Variants in PPL observed in about 807,000 individuals in gnomAD.
PPL encodes the protein periplakin.
A neutral mutation model predicts 194.4 loss-of-function variants in PPL; 198 were observed. That is an observed-to-expected ratio of 1.02 (90% CI 0.91 to 1.15). PPL has a LOEUF of 1.15. Ranked by LOEUF, PPL falls within the 50% of genes most tolerant of loss-of-function variation. The pLI, the probability that PPL is intolerant of heterozygous loss-of-function variation, is 0.00. For synonymous variants in PPL, 1,220 were observed against 972.4 expected, an observed-to-expected ratio of 1.25 and a Z score of -4.74; for missense variants, 2,885 against 2,294.8, an observed-to-expected ratio of 1.26 and a Z score of -5.25.
Position 4,900,766 on chromosome 16 carries a change from C to A in PPL, c.606+64G>T, listed in dbSNP as rs141527264. The A allele has an allele frequency of 6.2e-5, 100 of 1,606,698 alleles. No individual in the cohort carries two copies. The highest frequency in any genetic ancestry group is 1.7e-4 in the Middle Eastern group (1 of 5,998). ...TTTTAAAACAATACATCCTTGTCCC[C>A]CCGACTCCAAGCTTCCCATCCTCTC... On this transcript the variant is annotated intron_variant, in intron 6 of 21. Coordinates refer to ENST00000345988, the MANE Select transcript of PPL (RefSeq NM_002705.5).
chr16:4,927,126 C>G (rs947815581), intron 1 of PPL, among the ~76,000 whole-genome samples: 4 of 152,024 alleles, frequency 2.6e-5, no homozygotes, highest in Non-Finnish European at 5.9e-5. Flanking sequence ...TTAATTTTGC[C>G]TATTAAAAGA....
chr16:4,929,128 C>T (rs2089197128), intron 1 of PPL, among the ~76,000 whole-genome samples: 1 of 149,116 alleles, frequency 6.7e-6, no homozygotes, highest in African/African-American at 2.5e-5. Flanking sequence ...TTATCTCAGA[C>T]AATGTAATAA....
chr16:4,898,896 A>G, intron 8 of PPL, 117 bp downstream of exon 8: 2 of 752,490 alleles, frequency 2.7e-6, no homozygotes, highest in Non-Finnish European at 4.5e-6. Flanking sequence ...AGACAGACAC[A>G]AGATGCAGCT....
At chr16:4,907,941 G>C (rs1180745129) in intron 2 of PPL, among the ~76,000 whole-genome samples, 1 of 151,726 alleles carries the variant, frequency 6.6e-6, no homozygotes, top group Non-Finnish European at 1.5e-5. Context: ...AGATCACAAG[G>C]TCAGGAGTTT....
chr16:4,884,133 C>G lies in PPL; in HGVS notation c.4522G>C (p.Glu1508Gln), dbSNP rs767802740. Reference protein sequence around the residue: ...KVVLSESVQVEKGDTEQEIQR... With the variant: ...KVVLSESVQVQKGDTEQEIQR... ...ATCTCTTGCTCGGTGTCGCCCTTCT[C>G]CACCTGGACACTCTCGGAGAGCACC... Residue 1508 changes from glutamate to glutamine, a missense_variant, in exon 22 of 22, where the codon GAG becomes CAG. Coordinates refer to ENST00000345988, the MANE Select transcript of PPL (RefSeq NM_002705.5). This position sits in a 1 kb window ranked among gnomAD's most constrained non-coding sequence, Gnocchi z 5.7. 2 of 1,613,598 alleles carry G rather than the reference C, an allele frequency of 1.2e-6. No homozygotes were observed. The highest frequency in any genetic ancestry group is 2.7e-5 in the African/African-American group (2 of 74,918).
In PPL at chr16:4,894,504, G is replaced by A. The variant is rs2088381679; in HGVS notation, c.1357C>T (p.Pro453Ser). 6.2e-7 allele frequency: 1 copy of A among 1,613,834 alleles called. No homozygotes were observed. Among genetic ancestry groups the A allele is most frequent in the African/African-American group, 1.3e-5 (1 of 74,928 alleles). The change falls in exon 12 of 22, where the codon CCC (proline) becomes TCC (serine). Residue 453 changes from proline to serine, a missense_variant. By Grantham distance (74) the Pro-to-Ser change is moderately conservative. Transcript: ENST00000345988. ...LIAPAVCFVIPPTDPEALALA... is the reference protein window; with the variant it reads ...LIAPAVCFVISPTDPEALALA... ...GCCAGGGCCTCAGGGTCTGTGGGGG[G>A]GATCACAAAACACACGGCCGGAGCA... is the stretch of plus-strand genomic sequence containing the variant.
intron 2 of PPL, among the ~76,000 whole-genome samples, chr16:4,907,218 C>G (rs1439760035): frequency 2.6e-5 from 4 of 151,332 alleles, no homozygotes; most frequent in Admixed American, 6.6e-5. Context: ...GTCGTGATTG[C>G]GCCACTGCAC....
chr16:4,917,153 CAAAAACAA>C (rs1168965687), intron 1 of PPL, among the ~76,000 whole-genome samples: 1 of 151,712 alleles, frequency 6.6e-6, no homozygotes, highest in East Asian at 1.9e-4. Flanking sequence ...AACAAAAAAA[CAAAAACAA>C]AAAAACAAAA....
At chr16:4,904,725 C>CA (rs1367622907) in intron 2 of PPL, among the ~76,000 whole-genome samples, 1 of 152,018 alleles carries the variant, frequency 6.6e-6, no homozygotes, top group Non-Finnish European at 1.5e-5. Context: ...ACAATGGCTG[C>CA]AAGGAGGGAT....
intron 2 of PPL, among the ~76,000 whole-genome samples, chr16:4,909,365 T>C (rs4786558): frequency 0.94 from 141,262 of 150,904 alleles, 66,376 homozygotes; most frequent in East Asian, 0.99. Flanking sequence ...CTTGGCCGGG[T>C]AGACCTTGAC....
chr16:4,888,043 G>A, intron 20 of PPL, 59 bp downstream of exon 20: 1 of 1,252,672 alleles, frequency 8.0e-7, no homozygotes. Flanking sequence ...TGCTCCCTGG[G>A]GAGCAGGGCA....
intron 1 of PPL, 139 bp downstream of exon 1, chr16:4,936,845 G>C (rs1393858240): frequency 5.0e-6 from 4 of 800,994 alleles, no homozygotes; most frequent in African/African-American, 1.9e-5. Context: ...GCGTTCCCGA[G>C]AGTCCCGCAC....
In PPL at chr16:4,894,496, T is replaced by C. The variant is rs759158791; in HGVS notation, c.1365A>G (p.Thr455=). 6.2e-7 allele frequency: 1 copy of C among 1,613,894 alleles called. No individual in the cohort carries two copies. Among genetic ancestry groups the C allele is most frequent in the Non-Finnish European group, 8.5e-7 (1 of 1,179,966 alleles). The change falls in exon 12 of 22, where the codon ACA becomes ACG. Residue 455 remains threonine (T), a synonymous_variant. Coordinates refer to ENST00000345988, the MANE Select transcript of PPL (RefSeq NM_002705.5). ...APAVCFVIPP[T]DPEALALADS... is the part of the protein sequence containing the mutation. ...CAGCCAGAGCCAGGGCCTCAGGGTC[T>C]GTGGGGGGGATCACAAAACACACGG...
At chr16:4,916,917 G>C (rs143161617) in intron 1 of PPL, among the ~76,000 whole-genome samples, 3,572 of 152,168 alleles carry the variant, frequency 0.023, 52 homozygotes, top group Middle Eastern at 0.048. Flanking sequence ...ATCACCTGAG[G>C]TCAGGAGTTC....
intron 1 of PPL, among the ~76,000 whole-genome samples, chr16:4,919,303 T>C (rs2088989688): frequency 6.6e-6 from 1 of 152,216 alleles, no homozygotes; most frequent in African/African-American, 2.4e-5. Flanking sequence ...GCAGCCTGTG[T>C]AGGAGAAAGA....
intron 2 of PPL, among the ~76,000 whole-genome samples, chr16:4,906,685 A>C (rs1288138296): frequency 6.6e-6 from 1 of 152,258 alleles, no homozygotes. Context: ...TGAGAGAGAA[A>C]GAGAACATCT....
intron 2 of PPL, among the ~76,000 whole-genome samples, chr16:4,910,403 C>T (rs1360962790): frequency 1.3e-5 from 2 of 152,158 alleles, no homozygotes; most frequent in Non-Finnish European, 2.9e-5. Context: ...GAGAGAATCT[C>T]GTTCATGGGG....
rs770699266 is a variant in PPL, at chr16:4,895,370, A to G, written c.1133T>C (p.Val378Ala). ...EKVLDKYEDVVQGLQKRGQQV... is the reference protein window; with the variant it reads ...EKVLDKYEDVAQGLQKRGQQV... ...CTGGCCTCGCTTCTGCAGCCCCTGC[A>G]CCACGTCCTCATACTTGTCCAGCAC... is the stretch of plus-strand genomic sequence containing the variant. Residue 378 changes from valine to alanine, a missense_variant, in exon 11 of 22, where the codon GTG becomes GCG. Transcript: ENST00000345988. The G allele has an allele frequency of 6.8e-6, 11 of 1,613,362 alleles. No homozygotes were observed. Among genetic ancestry groups the G allele is most frequent in the Non-Finnish European group, 9.3e-6 (11 of 1,179,940 alleles).
intron 1 of PPL, among the ~76,000 whole-genome samples, chr16:4,917,728 C>T (rs999774999): frequency 6.6e-6 from 1 of 151,334 alleles, no homozygotes; most frequent in African/African-American, 2.4e-5. Flanking sequence ...TGGTGAAACC[C>T]CATGTCTACT....
Sources: gnomAD v4.1 joint callset for allele counts (sites outside exome capture counted in the v4.1 genomes callset) on GRCh38, gnomAD v4.1.1 for gene constraint, Gnocchi (gnomAD v3.1) non-coding constraint, MANE v1.5 for transcripts, NCBI Gene and HGNC (gene_info 2026-07-23, HGNC 2026-07-21) for gene names.